Variants in NRXN1 observed in about 807,000 individuals in gnomAD.
NRXN1 encodes the protein neurexin 1.
In NRXN1, 39 loss-of-function variants were observed where a neutral mutation model predicts 150.9. The observed-to-expected ratio is 0.26, with a 90% CI of 0.20 to 0.34. NRXN1 has a LOEUF of 0.34. Ranked by LOEUF, NRXN1 falls within the 10% of genes least tolerant of loss-of-function variation. The pLI is 1.00. For missense variants in NRXN1, 1,815 were observed against 1,949.9 expected, an observed-to-expected ratio of 0.93 and a Z score of 1.30; for synonymous variants, 924 against 757.0, an observed-to-expected ratio of 1.22 and a Z score of -3.62.
At chr2:50,452,473 T>G (rs945812056) in intron 17 of NRXN1, among the ~76,000 whole-genome samples, 1 of 152,134 alleles carries the variant, frequency 6.6e-6, no homozygotes, top group African/African-American at 2.4e-5. Context: ...ACAGCTGAAG[T>G]GACTTGCTCA....
chr2:50,581,699 T>C (rs895828924), intron 8 of NRXN1, among the ~76,000 whole-genome samples: 7 of 152,158 alleles, frequency 4.6e-5, no homozygotes, highest in African/African-American at 1.7e-4. Context: ...AGCAAGAGTC[T>C]TTGGAGTCTT....
rs74886787 is a variant in NRXN1, at chr2:50,734,623, C to T, written c.833-111008G>A. Among the ~76,000 whole-genome samples the T allele has an allele frequency of 4.3e-3, 652 of 152,032 alleles. 2 individuals are homozygous for T. The highest frequency in any genetic ancestry group is 6.8e-3 in the Non-Finnish European group (462 of 67,978). On this transcript the variant is annotated intron_variant, in intron 5 of 22. Transcript: ENST00000401669. Reference sequence around the variant, plus strand: ...GCCTGCTCATATAAGGTCCTAAATTCACTCTGGTAGTCTATATAAAACAAA... The same window carrying T: ...GCCTGCTCATATAAGGTCCTAAATTTACTCTGGTAGTCTATATAAAACAAA...
rs12463532 is a variant in NRXN1 at position 51,006,556 on chromosome 2, A to T, written c.772+20946T>A. On this transcript the variant is annotated intron_variant, in intron 2 of 22. Coordinates refer to ENST00000401669, the MANE Select transcript of NRXN1 (RefSeq NM_001330078.2). ...AACTTAAAGTATAATAATAAAATTT[A>T]AAAAAAAAGACCTACCATTTGAGCA... 3.4e-3 allele frequency among the ~76,000 whole-genome samples: 354 copies of T among 105,572 alleles called. 1 individual carries two copies. Among genetic ancestry groups the T allele is most frequent in the Middle Eastern group, 0.015 (3 of 196 alleles). 69.3% of individuals were successfully genotyped at this position (105,572 alleles called of 152,430 possible).
intron 17 of NRXN1, among the ~76,000 whole-genome samples, chr2:50,449,556 T>C (rs1432021832): frequency 6.6e-6 from 1 of 152,184 alleles, no homozygotes; most frequent in East Asian, 1.9e-4. Flanking sequence ...GGAAGGTCTG[T>C]GAGTTTGCAT....
chr2:51,022,369 G>C (rs1487874957), intron 2 of NRXN1, among the ~76,000 whole-genome samples: 1 of 152,024 alleles, frequency 6.6e-6, no homozygotes, highest in East Asian at 1.9e-4. Context: ...CTTGAAACCA[G>C]GCAGTCTGGC....
rs573763869 is a variant in NRXN1, at chr2:50,420,715, G to A, written c.3364+44727C>T. Among the ~76,000 whole-genome samples, 75 of 152,106 alleles carry A rather than the reference G, an allele frequency of 4.9e-4. No individual in the cohort carries two copies. In the South Asian group the frequency reaches 0.015, roughly 29 times the overall value. ...AATCCACATAATTTTCTGGTTGTTC[G>A]TAATTTCCTTGTTCATAGACTGATG... On this transcript the variant is annotated intron_variant, in intron 17 of 22. Coordinates refer to ENST00000401669, the MANE Select transcript of NRXN1 (RefSeq NM_001330078.2).
rs1376791867 is a variant in NRXN1, at chr2:51,027,619, C to T, written c.655G>A (p.Ala219Thr). The change falls in exon 2 of 23, where the codon GCG becomes ACG. Residue 219 changes from alanine (A) to threonine (T), a missense_variant. Physicochemically the swap from Ala to Thr is moderately conservative, Grantham distance 58. Transcript: ENST00000401669. ...ACCCCGCCCTCGCCCTCCTCGCCCG[C>T]CTCGCACGGGCTTCCCCCGCCGCTG... ...PNSGGGSPCE[A>T]GEEGEGGVCL... 1.3e-6 allele frequency: 2 copies of T among 1,587,206 alleles called. No individual in the cohort carries two copies. Among genetic ancestry groups the T allele is most frequent in the African/African-American group, 2.7e-5 (2 of 74,226 alleles).
chr2:49,940,805 C>A (rs1671848378), intron 22 of NRXN1, among the ~76,000 whole-genome samples: 2 of 152,060 alleles, frequency 1.3e-5, no homozygotes, highest in Admixed American at 6.5e-5. Context: ...GAAAGTGAAA[C>A]AATTTATGGC....
intron 19 of NRXN1, 61 bp downstream of exon 19, chr2:50,091,262 T>A (rs568359668): frequency 6.3e-7 from 1 of 1,577,914 alleles, no homozygotes; most frequent in South Asian, 1.1e-5. Flanking sequence ...TGCAAAACAG[T>A]GCTTTTTCTT....
chr2:50,208,012 C>G (rs1009983608), intron 18 of NRXN1, among the ~76,000 whole-genome samples: 2 of 152,094 alleles, frequency 1.3e-5, no homozygotes, highest in African/African-American at 4.8e-5. Context: ...AAAGGCAAAC[C>G]TTCCCTTCCT....
At chr2:49,924,778 T>C (rs1342513797) in intron 22 of NRXN1, among the ~76,000 whole-genome samples, 3 of 152,318 alleles carry the variant, frequency 2.0e-5, no homozygotes, top group Middle Eastern at 3.4e-3. Context: ...AGAAAATCTC[T>C]ACCAAAATTA....
chr2:50,262,006 A>G (rs1207074449), intron 17 of NRXN1, among the ~76,000 whole-genome samples: 1 of 151,920 alleles, frequency 6.6e-6, no homozygotes, highest in Non-Finnish European at 1.5e-5. Context: ...TGAGTTTAAA[A>G]TGTCACTCCA....
intron 12 of NRXN1, among the ~76,000 whole-genome samples, chr2:50,527,415 T>C (rs1252389167): frequency 1.3e-5 from 2 of 152,162 alleles, no homozygotes; most frequent in African/African-American, 4.8e-5. Context: ...ACGTGAGAGC[T>C]TTGACAGGTT....
intron 17 of NRXN1, among the ~76,000 whole-genome samples, chr2:50,292,586 A>G (rs1362242745): frequency 6.6e-6 from 1 of 152,202 alleles, no homozygotes; most frequent in Non-Finnish European, 1.5e-5. Flanking sequence ...GGGCTAAGCA[A>G]GGATCAAGAC....
At chr2:50,662,020 T>G (rs997201958) in intron 5 of NRXN1, among the ~76,000 whole-genome samples, 1 of 152,070 alleles carries the variant, frequency 6.6e-6, no homozygotes, top group East Asian at 1.9e-4. Flanking sequence ...GTGACAGTAT[T>G]GATATTACAA....
At chr2:50,865,077 G>C (rs1308540773) in intron 5 of NRXN1, among the ~76,000 whole-genome samples, 1 of 151,740 alleles carries the variant, frequency 6.6e-6, no homozygotes, top group Non-Finnish European at 1.5e-5. Flanking sequence ...CGGTGAGGGG[G>C]AGAAAAATGA....
intron 18 of NRXN1, among the ~76,000 whole-genome samples, chr2:50,196,336 A>C (rs1386854973): frequency 6.6e-6 from 1 of 152,162 alleles, no homozygotes; most frequent in Non-Finnish European, 1.5e-5. Flanking sequence ...TCATACAAAA[A>C]CACTGTTACT....
intron 17 of NRXN1, among the ~76,000 whole-genome samples, chr2:50,375,797 G>A (rs997045240): frequency 7.3e-5 from 11 of 151,614 alleles, no homozygotes; most frequent in Non-Finnish European, 1.5e-4. Flanking sequence ...TTCATAAAGA[G>A]GGCTCTATGA....
intron 5 of NRXN1, chr2:50,918,384 T>C (rs1254030035): frequency 6.7e-6 from 2 of 300,122 alleles, no homozygotes; most frequent in Non-Finnish European, 1.2e-5. Context: ...AAAGACAAGC[T>C]TTCTGCCCTC....
Sources: gnomAD v4.1 joint callset for allele counts (sites outside exome capture counted in the v4.1 genomes callset) on GRCh38, gnomAD v4.1.1 for gene constraint, MANE v1.5 for transcripts, NCBI Gene and HGNC (gene_info 2026-07-23, HGNC 2026-07-21) for gene names.